The following PSD3 variants were observed in gnomAD, a reference collection of about 807,000 sequenced individuals.
PSD3 encodes PH and SEC7 domain-containing protein 3.
PSD3 carries 49 observed loss-of-function variants against 105.5 expected under a neutral mutation model. The ratio of observed to expected loss-of-function variants is 0.46; its 90% CI spans 0.37 to 0.59. PSD3 has a LOEUF of 0.59. Among genes scored for constraint, PSD3 ranks in the 20% least tolerant of loss-of-function variants. The pLI, the probability that PSD3 is intolerant of heterozygous loss-of-function variation, is 0.00. For synonymous variants in PSD3, 557 were observed against 457.8 expected (o/e 1.22, Z -2.77); for missense variants, 1,561 against 1,263.8 (o/e 1.24, Z -3.57).
chr8:18,989,833 A>T (rs1442693374), intron 1 of PSD3, among the ~76,000 whole-genome samples: 1 of 152,190 alleles, frequency 6.6e-6, no homozygotes, highest in Non-Finnish European at 1.5e-5. Flanking sequence ...ACTGTGCTAG[A>T]ATCAATGGTG....
intron 8 of PSD3, 129 bp from the exon 9 acceptor site, chr8:18,765,667 C>A: frequency 2.6e-6 from 2 of 763,414 alleles, no homozygotes; most frequent in Admixed American, 2.0e-5. Context: ...TGGCTCACGC[C>A]TGTAACTTCC....
intron 8 of PSD3, among the ~76,000 whole-genome samples, chr8:18,770,618 G>C (rs112500939): frequency 6.6e-6 from 1 of 152,268 alleles, no homozygotes; most frequent in African/African-American, 2.4e-5. Context: ...AAATGCCTTC[G>C]GGCACCAGCA....
At chr8:18,583,381 A>T (rs535727460) in intron 12 of PSD3, among the ~76,000 whole-genome samples, 1 of 152,132 alleles carries the variant, frequency 6.6e-6, no homozygotes, top group Non-Finnish European at 1.5e-5. Context: ...CAGTGAGCTG[A>T]GACACCGCCA....
rs1805478703 is a variant in PSD3 at position 18,614,139 on chromosome 8, A to T, written c.2411-13705T>A. On this transcript the variant is annotated intron_variant, in intron 11 of 15. Transcript: ENST00000327040. ...CATGCCTCATCCTGGGGTTTCCTCT[A>T]ATCACTCTCTGCAACATAGGACGTG... Among the ~76,000 whole-genome samples, 3 of 152,190 alleles carry T rather than the reference A, an allele frequency of 2.0e-5. No homozygotes were observed. In the South Asian group the frequency reaches 6.2e-4, roughly 32 times the overall value.
At chr8:18,657,555 T>C (rs549139925) in intron 9 of PSD3, among the ~76,000 whole-genome samples, 1 of 152,368 alleles carries the variant, frequency 6.6e-6, no homozygotes, top group South Asian at 2.1e-4. Flanking sequence ...AAGACTATGC[T>C]ATAAATTGCA....
At chr8:18,978,727 T>G (rs1299577142) in intron 1 of PSD3, among the ~76,000 whole-genome samples, 2 of 152,224 alleles carry the variant, frequency 1.3e-5, no homozygotes, top group Non-Finnish European at 2.9e-5. Context: ...TTCAGAGCAC[T>G]GCTTTATTGG....
At chr8:19,030,272 G>A (rs912996675) in intron 1 of PSD3, among the ~76,000 whole-genome samples, 1 of 152,082 alleles carries the variant, frequency 6.6e-6, no homozygotes, top group African/African-American at 2.4e-5. Context: ...TGAATTACAC[G>A]ATTAGTTTTC....
intron 12 of PSD3, among the ~76,000 whole-genome samples, chr8:18,578,294 T>C (rs528300242): frequency 6.6e-6 from 1 of 152,110 alleles, no homozygotes; most frequent in African/African-American, 2.4e-5. Context: ...CTTGGGTTGA[T>C]AATTGCTGAC....
chr8:18,856,144 T>G (rs774493672), intron 4 of PSD3, among the ~76,000 whole-genome samples: 6 of 152,096 alleles, frequency 3.9e-5, no homozygotes, highest in Non-Finnish European at 5.9e-5. Flanking sequence ...CCTTTACACA[T>G]AGCCAACTCA....
chr8:18,925,860 G>A (rs1821328814), intron 2 of PSD3, among the ~76,000 whole-genome samples: 1 of 152,088 alleles, frequency 6.6e-6, no homozygotes, highest in South Asian at 2.1e-4. Context: ...TGGTGTTTCT[G>A]CTCAACTCAA....
At chr8:18,903,746 T>A (rs964757313) in intron 2 of PSD3, among the ~76,000 whole-genome samples, 3 of 152,106 alleles carry the variant, frequency 2.0e-5, no homozygotes, top group Admixed American at 6.5e-5. Context: ...ACAGTTTCCC[T>A]AGGATGCAGG....
At chr8:18,958,053 A>C (rs35912829) in intron 1 of PSD3, among the ~76,000 whole-genome samples, 19 of 152,198 alleles carry the variant, frequency 1.2e-4, no homozygotes, top group Non-Finnish European at 2.4e-4. Context: ...GACACATACC[A>C]AAGAGGAAGG....
In PSD3 at chr8:18,735,184, G is replaced by T. The variant is rs71510620; in HGVS notation, c.2172+30265C>A. On this transcript the variant is annotated intron_variant, in intron 9 of 15. Coordinates refer to ENST00000327040, the MANE Select transcript of PSD3 (RefSeq NM_015310.4). ...CTCTCCTCTGATCATCAGTGGGGCT[G>T]TAGTTCAACTCCAGGAAAACACTTT... 5.2e-3 allele frequency among the ~76,000 whole-genome samples: 797 copies of T among 152,254 alleles called. 5 individuals carry two copies. The highest frequency in any genetic ancestry group is 8.8e-3 in the Non-Finnish European group (596 of 68,010).
In PSD3 at chr8:18,693,623, G is replaced by A. The variant is rs140451057; in HGVS notation, c.2173-37938C>T. Among the ~76,000 whole-genome samples, 1,072 of 152,306 alleles carry A rather than the reference G, an allele frequency of 7.0e-3. 8 individuals are homozygous for A. The highest frequency in any genetic ancestry group is 0.027 in the Middle Eastern group (8 of 294). On this transcript the variant is annotated intron_variant, in intron 9 of 15. Coordinates refer to ENST00000327040, the MANE Select transcript of PSD3 (RefSeq NM_015310.4). ...CATATGATGCTCTCAAAAAAGTGGC[G>A]TAAAGACTCAGAGTCGGTGACAGAG...
chr8:18,849,401 C>G (rs571982920), intron 4 of PSD3: 4 of 152,340 alleles, frequency 2.6e-5, no homozygotes, highest in Admixed American at 1.3e-4. Context: ...CCTCAACTGC[C>G]TTCTCTTCAG....
At chr8:18,717,626 T>C (rs1025942825) in intron 9 of PSD3, among the ~76,000 whole-genome samples, 8 of 152,218 alleles carry the variant, frequency 5.3e-5, no homozygotes, top group African/African-American at 1.9e-4. Context: ...TTAAATTTAA[T>C]TTCTTTTACT....
At chr8:18,944,953 C>A (rs1586492850) in intron 1 of PSD3, among the ~76,000 whole-genome samples, 1 of 152,104 alleles carries the variant, frequency 6.6e-6, no homozygotes, top group Admixed American at 6.6e-5. Flanking sequence ...TATTTTAAAA[C>A]AAAACTGGTT....
At chr8:18,841,982 C>T (rs1210516865) in intron 4 of PSD3, among the ~76,000 whole-genome samples, 1 of 152,126 alleles carries the variant, frequency 6.6e-6, no homozygotes, top group Non-Finnish European at 1.5e-5. Flanking sequence ...AGAAACCCTG[C>T]CCACGTGTCA....
rs185996000 is a variant in PSD3 at position 18,978,384 on chromosome 8, G to T, written c.21+35179C>A. ...CTATGTCCAGCTCTGAGTAAGCAAG[G>T]AAGGTCACAGGATTTTGTTCAGATT... On this transcript the variant is annotated intron_variant, in intron 1 of 15. Transcript: ENST00000327040. 7.9e-5 allele frequency among the ~76,000 whole-genome samples: 12 copies of T among 152,318 alleles called. No homozygotes were observed. The East Asian group carries it at 2.3e-3, about 29-fold the overall frequency.
Sources: gnomAD v4.1 joint callset for allele counts (sites outside exome capture counted in the v4.1 genomes callset) on GRCh38, gnomAD v4.1.1 for gene constraint, MANE v1.5 for transcripts, NCBI Gene and HGNC (gene_info 2026-07-23, HGNC 2026-07-21) for gene names.